SLX4IP: variants seen among roughly 807,000 people sequenced by gnomAD.
The protein encoded by SLX4IP is SLX4 interacting protein, also known as protein SLX4IP.
A neutral mutation model predicts 32.9 loss-of-function variants in SLX4IP; 34 were observed. That is an observed-to-expected ratio of 1.03 (90% CI 0.79 to 1.38). The LOEUF is 1.38. Ranked by LOEUF, SLX4IP falls within the 40% of genes most tolerant of loss-of-function variation. The pLI is 0.00. For missense variants in SLX4IP, 444 were observed against 479.0 expected (o/e 0.93, Z 0.68); for synonymous variants, 172 against 171.7 (o/e 1.00, Z -0.01).
chr20:10,528,704 C>A (rs2065959933), intron 2 of SLX4IP, among the ~76,000 whole-genome samples: 1 of 152,214 alleles, frequency 6.6e-6, no homozygotes, highest in African/African-American at 2.4e-5. Flanking sequence ...CAGCCCCAGC[C>A]TGAAGACTCA....
chr20:10,502,319 C>T (rs943878228), intron 2 of SLX4IP, among the ~76,000 whole-genome samples: 1 of 152,160 alleles, frequency 6.6e-6, no homozygotes, highest in African/African-American at 2.4e-5. Context: ...TTCAGCCTGC[C>T]CTCTACATAG....
chr20:10,567,234 C>G (rs2066406490), intron 4 of SLX4IP, among the ~76,000 whole-genome samples: 1 of 152,160 alleles, frequency 6.6e-6, no homozygotes, highest in Non-Finnish European at 1.5e-5. Flanking sequence ...ATAAGAACCT[C>G]TCCTGAATGG....
At chr20:10,464,859 T>C (rs1194503980) in intron 2 of SLX4IP, among the ~76,000 whole-genome samples, 2 of 152,148 alleles carry the variant, frequency 1.3e-5, no homozygotes, top group African/African-American at 4.8e-5. Context: ...CTCGTTATGT[T>C]GCACAGGCTG....
chr20:10,580,960 C>T (rs1464099934), intron 4 of SLX4IP, among the ~76,000 whole-genome samples: 1 of 152,068 alleles, frequency 6.6e-6, no homozygotes, highest in Non-Finnish European at 1.5e-5. Context: ...GACAATAATT[C>T]CAGACAAAGG....
intron 1 of SLX4IP, among the ~76,000 whole-genome samples, chr20:10,444,197 C>T (rs2065181815): frequency 1.9e-5 from 1 of 52,266 alleles, no homozygotes; most frequent in African/African-American, 4.6e-5. Flanking sequence ...CTTTAAGAGG[C>T]TGTAGTTGTA....
intron 4 of SLX4IP, among the ~76,000 whole-genome samples, chr20:10,567,904 T>C (rs1009443990): frequency 2.0e-5 from 3 of 152,338 alleles, no homozygotes; most frequent in African/African-American, 4.8e-5. Context: ...TACCATCCCA[T>C]TGGGCAGTGC....
At chr20:10,592,587 T>A (rs2066722033) in intron 4 of SLX4IP, among the ~76,000 whole-genome samples, 1 of 150,220 alleles carries the variant, frequency 6.7e-6, no homozygotes, top group African/African-American at 2.4e-5. Context: ...CATTTTTCCT[T>A]AATGAAATAG....
intron 2 of SLX4IP, among the ~76,000 whole-genome samples, chr20:10,475,065 G>A (rs1289703994): frequency 1.3e-5 from 2 of 152,194 alleles, no homozygotes; most frequent in African/African-American, 4.8e-5. Context: ...AATATTATCT[G>A]CCAAGGCTAA....
intron 6 of SLX4IP, among the ~76,000 whole-genome samples, chr20:10,606,447 A>G (rs112624671): frequency 0.024 from 3,660 of 152,300 alleles, 101 homozygotes; most frequent in Admixed American, 0.088. Context: ...ATTTTTCATG[A>G]TCTATCATAG....
At chr20:10,445,311 C>CTTTTTTTTTTTT (rs36058168) in intron 1 of SLX4IP, among the ~76,000 whole-genome samples, 4 of 90,194 alleles carry the variant, frequency 4.4e-5, no homozygotes, top group Non-Finnish European at 6.8e-5. Flanking sequence ...TTTTTTCTTT[C>CTTTTTTTTTTTT]TTTTTTTTTT....
intron 3 of SLX4IP, among the ~76,000 whole-genome samples, chr20:10,557,549 T>C (rs2066279782): frequency 6.6e-6 from 1 of 152,242 alleles, no homozygotes; most frequent in South Asian, 2.1e-4. Context: ...GTTGCTGTGA[T>C]TCAAAACTGT....
At chr20:10,517,926 A>C (rs577514218) in intron 2 of SLX4IP, among the ~76,000 whole-genome samples, 1 of 152,144 alleles carries the variant, frequency 6.6e-6, no homozygotes, top group African/African-American at 2.4e-5. Context: ...GTGAAATTTT[A>C]TTTCTCCCAA....
intron 2 of SLX4IP, among the ~76,000 whole-genome samples, chr20:10,497,098 G>A (rs779255103): frequency 4.6e-5 from 7 of 152,124 alleles, no homozygotes. Flanking sequence ...ATTGTTTCAG[G>A]TATCCCATGC....
chr20:10,604,631 C>T (rs2066884264), intron 6 of SLX4IP, among the ~76,000 whole-genome samples: 1 of 152,228 alleles, frequency 6.6e-6, no homozygotes, highest in African/African-American at 2.4e-5. Flanking sequence ...GCCACGCTGC[C>T]CCTAAGCACC....
At position 10,622,585 on chromosome 20, in the gene SLX4IP, G is replaced by A. The variant is rs2067123893; in HGVS notation, c.507-74G>A. ...GCCTCCTTTTTCAGGTGTAGGAAAT[G>A]TGGTAGAGGGAATCTGGAGGAAACA... On this transcript the variant is annotated intron_variant, in intron 7 of 7. Transcript: ENST00000334534. 3 of 1,517,724 alleles carry A rather than the reference G, an allele frequency of 2.0e-6. No individual in the cohort carries two copies. The East Asian group carries it at 6.8e-5, about 34-fold the overall frequency. The allele number at this position is 1,517,724 out of a possible 1,614,324, so 94.0% of individuals were successfully genotyped here.
intron 2 of SLX4IP, among the ~76,000 whole-genome samples, chr20:10,464,184 TTTTGTTTG>T (rs968096336): frequency 2.6e-5 from 4 of 152,016 alleles, no homozygotes; most frequent in African/African-American, 7.2e-5. Flanking sequence ...CATTTTGTTT[TTTTGTTTG>T]TTTGTTTGTT....
At chr20:10,542,119 C>A (rs2066114014) in intron 2 of SLX4IP, among the ~76,000 whole-genome samples, 1 of 152,198 alleles carries the variant, frequency 6.6e-6, no homozygotes, top group South Asian at 2.1e-4. Flanking sequence ...CAATCCTTTC[C>A]TGTGTAGTTT....
chr20:10,613,423 G>C, intron 6 of SLX4IP: 1 of 1,582,198 alleles, frequency 6.3e-7, no homozygotes, highest in South Asian at 1.1e-5. Flanking sequence ...GACCTTTGAA[G>C]AGAAAAATTC....
intron 1 of SLX4IP, among the ~76,000 whole-genome samples, chr20:10,452,983 G>A (rs764121635): frequency 3.3e-5 from 5 of 151,954 alleles, no homozygotes; most frequent in Admixed American, 3.3e-4. Context: ...TTACTGGTCT[G>A]CTTTGTTTCT....
Sources: allele counts gnomAD v4.1 joint callset (sites outside exome capture counted in the v4.1 genomes callset), GRCh38; gene constraint gnomAD v4.1.1; transcripts MANE v1.5; gene names NCBI Gene and HGNC (gene_info 2026-07-23, HGNC 2026-07-21).